Variants in KIF13A observed in about 807,000 individuals in gnomAD.
The protein encoded by KIF13A is kinesin family member 13A, also known as kinesin-like protein KIF13A.
In KIF13A, 79 loss-of-function variants were observed where a neutral mutation model predicts 212.2. The ratio of observed to expected loss-of-function variants is 0.37; its 90% CI spans 0.31 to 0.45. The LOEUF is 0.45. KIF13A is among the 20% of genes least tolerant of loss of function. The pLI is 1.00. For synonymous variants in KIF13A, 789 were observed against 808.6 expected (o/e 0.98, Z 0.41); for missense variants, 1,901 against 2,209.0 (o/e 0.86, Z 2.79).
rs747557013 is a variant in KIF13A at position 17,771,123 on chromosome 6, C to T, written c.4572G>A (p.Glu1524=). 17 of 1,609,610 alleles carry T rather than the reference C, an allele frequency of 1.1e-5. No homozygotes were observed. In the Middle Eastern group the frequency reaches 6.6e-4, roughly 62 times the overall value. Residue 1524 remains glutamate (E), a synonymous_variant, in exon 38 of 39, where the codon GAG becomes GAA. Coordinates refer to ENST00000259711, the MANE Select transcript of KIF13A (RefSeq NM_022113.6). This position sits in a 1 kb window ranked among gnomAD's most constrained non-coding sequence, Gnocchi z 5.4. The part of the protein sequence containing the change: ...SMPVEHNSKR[E]KKIDSEEEEN... ...TGGTTCCGGAACTTACAATCTTCTT[C>T]TCACGTTTGCTATTGTGTTCTACTG... is the stretch of plus-strand genomic sequence containing the variant.
chr6:17,958,553 T>C (rs900448267), intron 2 of KIF13A, among the ~76,000 whole-genome samples: 3 of 152,240 alleles, frequency 2.0e-5, no homozygotes, highest in African/African-American at 7.2e-5. Flanking sequence ...TCTATAGATG[T>C]AGTACAGCTG....
chr6:17,823,915 T>A (rs942012210), intron 16 of KIF13A, among the ~76,000 whole-genome samples: 1 of 118,900 alleles, frequency 8.4e-6, no homozygotes, highest in Non-Finnish European at 1.8e-5. Flanking sequence ...TAATTTAAAT[T>A]TCTTTTTTTT....
intron 2 of KIF13A, among the ~76,000 whole-genome samples, chr6:17,945,040 A>C (rs1777264686): frequency 2.0e-5 from 3 of 152,188 alleles, no homozygotes; most frequent in Non-Finnish European, 4.4e-5. Flanking sequence ...TGGGAGGCCA[A>C]GGTGGAAGGA....
Position 17,837,217 on chromosome 6 carries a change from C to T in KIF13A, c.943-127G>A. On this transcript the variant is annotated intron_variant, in intron 10 of 38. Coordinates refer to ENST00000259711, the MANE Select transcript of KIF13A (RefSeq NM_022113.6). The surrounding 1 kb of genome is among the most constrained non-coding windows in gnomAD (Gnocchi z 5.4). ...GAAACATTATGTGGAAATGGACTTG[C>T]ATTTCACAAATAACGTCATGACAAG... The T allele has an allele frequency of 1.2e-6, 1 of 863,470 alleles. No homozygotes were observed. Among genetic ancestry groups the T allele is most frequent in the East Asian group, 2.5e-5 (1 of 40,710 alleles). 53.5% of individuals were successfully genotyped at this position (863,470 alleles called of 1,614,324 possible).
In KIF13A at chr6:17,886,804, AAAC is replaced by A. The variant is rs562849240; in HGVS notation, c.159+11361_159+11363del. 1.1e-4 allele frequency among the ~76,000 whole-genome samples: 17 copies of A among 152,190 alleles called. No homozygotes were observed. Among genetic ancestry groups the A allele is most frequent in the East Asian group, 1.9e-4 (1 of 5,184 alleles). On this transcript the variant is annotated intron_variant, in intron 3 of 38. Transcript: ENST00000259711. The surrounding 1 kb of genome is among the most constrained non-coding windows in gnomAD (Gnocchi z 5.6). The stretch of plus-strand genomic sequence containing the variant: ...GCAACAAGGGCGAAACTCCATCTCA[AAAC>A]AACAACAACAACCACAACTACTAAC...
At position 17,808,864 on chromosome 6, in the gene KIF13A, C is replaced by T; in HGVS notation, c.2067G>A (p.Val689=). The T allele has an allele frequency of 6.2e-7, 1 of 1,613,756 alleles. No homozygotes were observed. The highest frequency in any genetic ancestry group is 8.5e-7 in the Non-Finnish European group (1 of 1,179,792). Residue 689 remains valine, a synonymous_variant, in exon 18 of 39, where the codon GTG becomes GTA. Coordinates refer to ENST00000259711, the MANE Select transcript of KIF13A (RefSeq NM_022113.6). ...REQLVKANTL[V]REANFLAEEM... is the part of the protein sequence containing the mutation. The stretch of plus-strand genomic sequence containing the variant: ...CCTCAGCCAGGAAGTTTGCTTCCCT[C>T]ACCAAGGTATTAGCTTTAACCAGCT...
chr6:17,885,883 G>A (rs1479664715), intron 3 of KIF13A, among the ~76,000 whole-genome samples: 3 of 152,162 alleles, frequency 2.0e-5, no homozygotes, highest in South Asian at 4.1e-4. Context: ...GGTGGCTGAG[G>A]AGTGGGGGTC....
intron 2 of KIF13A, among the ~76,000 whole-genome samples, chr6:17,960,878 G>A (rs1365911316): frequency 6.6e-6 from 1 of 152,120 alleles, no homozygotes; most frequent in Non-Finnish European, 1.5e-5. Context: ...ACAGTATAAC[G>A]TATCATTCAT....
chr6:17,896,025 G>A (rs1232236935), intron 3 of KIF13A, among the ~76,000 whole-genome samples: 1 of 152,060 alleles, frequency 6.6e-6, no homozygotes. Flanking sequence ...TGGGGAATTG[G>A]TTCTAGAACC....
chr6:17,809,560 T>C lies in KIF13A; in HGVS notation c.2001-630A>G, dbSNP rs978429286. Among the ~76,000 whole-genome samples the C allele has an allele frequency of 5.3e-5, 8 of 152,220 alleles. No homozygotes were observed. The highest frequency in any genetic ancestry group is 1.9e-4 in the African/African-American group (8 of 41,468). On this transcript the variant is annotated intron_variant, in intron 17 of 38. Coordinates refer to ENST00000259711, the MANE Select transcript of KIF13A (RefSeq NM_022113.6). This position sits in a 1 kb window ranked among gnomAD's most constrained non-coding sequence, Gnocchi z 4.7. ...TCATTTTTACTCGTATAATTATTTG[T>C]TTAATATCTGTCTCCTACTAGGCTG...
At chr6:17,978,896 G>T (rs1392043143) in intron 2 of KIF13A, among the ~76,000 whole-genome samples, 1 of 152,164 alleles carries the variant, frequency 6.6e-6, no homozygotes, top group African/African-American at 2.4e-5. Context: ...GTACTATTCT[G>T]AAAATATGTG....
In KIF13A at chr6:17,825,877, C is replaced by A. The variant is rs79884092; in HGVS notation, c.1677G>T (p.Thr559=). 1.2e-6 allele frequency: 2 copies of A among 1,614,008 alleles called. No homozygotes were observed. Among genetic ancestry groups the A allele is most frequent in the South Asian group, 2.2e-5 (2 of 91,076 alleles). The change falls in exon 16 of 39, where the codon ACG becomes ACT. Residue 559 remains threonine (T), a synonymous_variant. Coordinates refer to ENST00000259711, the MANE Select transcript of KIF13A (RefSeq NM_022113.6). The surrounding 1 kb of genome is among the most constrained non-coding windows in gnomAD (Gnocchi z 4.5). ...CATCCAGGTCATGCTCTGGCGGGCCCGTTTCTTTTTCAAAGTCTTTCAACC... is the reference window on the plus strand; with the variant it reads ...CATCCAGGTCATGCTCTGGCGGGCCAGTTTCTTTTTCAAAGTCTTTCAACC... The part of the protein sequence containing the change: ...RDWLKDFEKE[T]GPPEHDLDAA...
chr6:17,951,143 C>A lies in KIF13A; in HGVS notation c.146+35911G>T. The A allele has an allele frequency of 8.2e-7, 1 of 1,217,516 alleles. No homozygotes were observed. Among genetic ancestry groups the A allele is most frequent in the East Asian group, 3.6e-5 (1 of 28,076 alleles). The allele number at this position is 1,217,516 out of a possible 1,614,324, so 75.4% of individuals were successfully genotyped here. A position where few individuals can be genotyped will look rare whatever the true frequency, so the allele number is the denominator to read the frequency against. On this transcript the variant is annotated intron_variant, in intron 2 of 38. Transcript: ENST00000259711. The surrounding 1 kb of genome is among the most constrained non-coding windows in gnomAD (Gnocchi z 4.9). ...ATATGTGGGGTCTGATGCAATTCAC[C>A]TCACGCCACTTTAATTTTTTATTTT...
At chr6:17,869,834 C>T (rs1196237267) in intron 4 of KIF13A, among the ~76,000 whole-genome samples, 1 of 152,240 alleles carries the variant, frequency 6.6e-6, no homozygotes, top group Non-Finnish European at 1.5e-5. Context: ...CTGCTACCCC[C>T]CAGTTTTGAG....
At chr6:17,862,997 T>C (rs1196760492) in intron 4 of KIF13A, among the ~76,000 whole-genome samples, 1 of 151,976 alleles carries the variant, frequency 6.6e-6, no homozygotes, top group Non-Finnish European at 1.5e-5. Flanking sequence ...TAGCCAGGCA[T>C]GGTGGTGGAG....
intron 16 of KIF13A, among the ~76,000 whole-genome samples, chr6:17,823,414 C>T (rs1006373252): frequency 1.3e-5 from 2 of 151,146 alleles, no homozygotes; most frequent in East Asian, 2.0e-4. Flanking sequence ...TCTCTCTCCC[C>T]GCCCCCCACT....
In KIF13A at chr6:17,834,042, C is replaced by T. The variant is rs202237065; in HGVS notation, c.1185G>A (p.Lys395=). 1.5e-5 allele frequency: 24 copies of T among 1,598,684 alleles called. No homozygotes were observed. In the East Asian group the frequency reaches 4.7e-4, roughly 31 times the overall value. ...TTATCAGCTTTTCAGACTCTTCGAG[C>T]TTCTCCTTCAGTTCAGGGGCCTTCA... is the stretch of plus-strand genomic sequence containing the variant. ...EAMKAPELKE[K]LEESEKLIKE... Residue 395 remains lysine (K), a synonymous_variant, in exon 12 of 39, where the codon AAG becomes AAA. Coordinates refer to ENST00000259711, the MANE Select transcript of KIF13A (RefSeq NM_022113.6). The surrounding 1 kb of genome is among the most constrained non-coding windows in gnomAD (Gnocchi z 4.0).
Position 17,789,996 on chromosome 6 carries a change from A to G in KIF13A, c.3223-86T>C, listed in dbSNP as rs1211495961. The G allele has an allele frequency of 6.8e-6, 7 of 1,023,280 alleles. No individual in the cohort carries two copies. Among genetic ancestry groups the G allele is most frequent in the Non-Finnish European group, 1.1e-5 (7 of 666,430 alleles). The allele number at this position is 1,023,280 out of a possible 1,614,324, so 63.4% of individuals were successfully genotyped here. ...AAATAATTATTTAAGCTTAACACACATTAAAATGGACAGCTTACCTAACAT... is the reference window on the plus strand; with the variant it reads ...AAATAATTATTTAAGCTTAACACACGTTAAAATGGACAGCTTACCTAACAT... On this transcript the variant is annotated intron_variant, in intron 25 of 38. Transcript: ENST00000259711. The surrounding 1 kb of genome is among the most constrained non-coding windows in gnomAD (Gnocchi z 4.8).
At chr6:17,943,655 A>G (rs1777139026) in intron 2 of KIF13A, among the ~76,000 whole-genome samples, 1 of 152,162 alleles carries the variant, frequency 6.6e-6, no homozygotes, top group Non-Finnish European at 1.5e-5. Flanking sequence ...TTGAGAATTC[A>G]CTTTCACTGA....
Sources: allele counts gnomAD v4.1 joint callset (sites outside exome capture counted in the v4.1 genomes callset), GRCh38; gene constraint gnomAD v4.1.1; non-coding constraint Gnocchi (gnomAD v3.1); transcripts MANE v1.5; gene names NCBI Gene and HGNC (gene_info 2026-07-23, HGNC 2026-07-21).